SYT1: variants seen among roughly 807,000 people sequenced by gnomAD.
The protein encoded by SYT1 is synaptotagmin 1, also known as synaptotagmin-1.
SYT1 carries 8 observed loss-of-function variants against 44.8 expected under a neutral mutation model. That is an observed-to-expected ratio of 0.18 (90% CI 0.10 to 0.32). SYT1 has a LOEUF of 0.32. Ranked by LOEUF, SYT1 falls within the 10% of genes least tolerant of loss-of-function variation. The probability of loss-of-function intolerance (pLI) is 1.00; values close to 1 mark genes in which losing one functional copy is unlikely to be tolerated. For missense variants in SYT1, 286 were observed against 509.3 expected (o/e 0.56, Z 4.22); for synonymous variants, 154 against 188.8 (o/e 0.82, Z 1.51).
chr12:79,338,611 TG>T (rs1882198661), intron 8 of SYT1, among the ~76,000 whole-genome samples: 3 of 147,646 alleles, frequency 2.0e-5, no homozygotes, highest in Non-Finnish European at 4.5e-5. Flanking sequence ...AATCCCTCCC[TG>T]CCTCCCTCCC....
chr12:79,311,622 T>C (rs1240373057), intron 8 of SYT1, among the ~76,000 whole-genome samples: 3 of 139,694 alleles, frequency 2.1e-5, no homozygotes, highest in Non-Finnish European at 3.1e-5. Context: ...CCAACCCAAA[T>C]GTCCAACAAT....
intron 9 of SYT1, among the ~76,000 whole-genome samples, chr12:79,410,672 A>G (rs1868383783): frequency 6.6e-6 from 1 of 152,162 alleles, no homozygotes; most frequent in African/African-American, 2.4e-5. Context: ...CTATATTTTC[A>G]CTGGTTTTAA....
intron 1 of SYT1, among the ~76,000 whole-genome samples, chr12:78,877,783 C>A (rs1345649574): frequency 6.6e-6 from 1 of 151,664 alleles, no homozygotes; most frequent in African/African-American, 2.4e-5. Context: ...TGCATACCAC[C>A]ACGCCTGGCT....
intron 9 of SYT1, among the ~76,000 whole-genome samples, chr12:79,365,385 C>T (rs1883498068): frequency 6.6e-6 from 1 of 151,714 alleles, no homozygotes; most frequent in Non-Finnish European, 1.5e-5. Flanking sequence ...ATGAGAAAAA[C>T]TATATAAATT....
intron 3 of SYT1, among the ~76,000 whole-genome samples, chr12:79,160,673 A>G (rs1050883099): frequency 2.6e-5 from 4 of 152,154 alleles, no homozygotes; most frequent in Non-Finnish European, 2.9e-5. Context: ...CTGCCAAGAC[A>G]TCAAGTGAAA....
At chr12:79,024,210 C>A (rs551571164) in intron 2 of SYT1, among the ~76,000 whole-genome samples, 1 of 151,724 alleles carries the variant, frequency 6.6e-6, no homozygotes, top group South Asian at 2.1e-4. Flanking sequence ...TACTGAAGGA[C>A]AATTCAAAGA....
At chr12:79,037,804 T>C (rs1448889397) in intron 2 of SYT1, among the ~76,000 whole-genome samples, 2 of 151,834 alleles carry the variant, frequency 1.3e-5, no homozygotes, top group African/African-American at 4.8e-5. Context: ...TATTACTTGA[T>C]GAATTCTTTT....
intron 2 of SYT1, among the ~76,000 whole-genome samples, chr12:79,042,111 C>T (rs1341160987): frequency 6.6e-6 from 1 of 150,650 alleles, no homozygotes; most frequent in East Asian, 2.0e-4. Flanking sequence ...CTCTGCCCAG[C>T]TTTGGTATCA....
rs5799418 is a variant in SYT1, at chr12:79,195,508, G to GA, written c.-17-21978dup. Among the ~76,000 whole-genome samples the GA allele has an allele frequency of 1.6e-3, 211 of 129,394 alleles. No individual in the cohort carries two copies. The East Asian group carries it at 0.018, about 11-fold the overall frequency. The allele number at this position is 129,394 out of a possible 152,430, so 84.9% of individuals were successfully genotyped here. A position where few individuals can be genotyped will look rare whatever the true frequency, so the allele number is the denominator to read the frequency against. On this transcript the variant is annotated intron_variant, in intron 3 of 10. Transcript: ENST00000261205. ...TATTTGAAAAAAGAGAGGTAACCCT[G>GA]AAAAAAAAAAAAAAAAAGAGAATAC...
At chr12:79,429,218 T>A (rs2083111128) in intron 9 of SYT1, among the ~76,000 whole-genome samples, 1 of 152,188 alleles carries the variant, frequency 6.6e-6, no homozygotes, top group African/African-American at 2.4e-5. Context: ...TTTTTGTTTT[T>A]GTTTTTGAAA....
At chr12:78,920,970 TGATA>T (rs1458529328) in intron 1 of SYT1, among the ~76,000 whole-genome samples, 10 of 151,938 alleles carry the variant, frequency 6.6e-5, no homozygotes, top group African/African-American at 2.4e-4. Context: ...TCTACACGAT[TGATA>T]GATTATCTAT....
At position 79,020,136 on chromosome 12, in the gene SYT1, A is replaced by T. The variant is rs562573512; in HGVS notation, c.-83-27161A>T. Among the ~76,000 whole-genome samples, 24 of 152,120 alleles carry T rather than the reference A, an allele frequency of 1.6e-4. No homozygotes were observed. The East Asian group carries it at 4.5e-3, about 28-fold the overall frequency. ...ACAGCTTTTGTGACCTTGAATGCAA[A>T]TGAAGTACAATACTAAGGATGTTCT... is the stretch of plus-strand genomic sequence containing the variant. On this transcript the variant is annotated intron_variant, in intron 2 of 10. Coordinates refer to ENST00000261205, the MANE Select transcript of SYT1 (RefSeq NM_005639.3).
At chr12:79,376,769 T>C (rs146181461) in intron 9 of SYT1, among the ~76,000 whole-genome samples, 1 of 152,352 alleles carries the variant, frequency 6.6e-6, no homozygotes, top group African/African-American at 2.4e-5. Context: ...AGGCTAACTT[T>C]TAACTTAAAT....
At chr12:79,071,442 C>A (rs1464208719) in intron 3 of SYT1, among the ~76,000 whole-genome samples, 3 of 152,166 alleles carry the variant, frequency 2.0e-5, no homozygotes, top group African/African-American at 4.8e-5. Context: ...ATTATTAATA[C>A]TTCTGTGGAC....
intron 4 of SYT1, among the ~76,000 whole-genome samples, chr12:79,264,535 G>A (rs899141685): frequency 1.3e-5 from 2 of 152,150 alleles, no homozygotes; most frequent in African/African-American, 4.8e-5. Flanking sequence ...AAAGAAAGCA[G>A]CACCCAAAAG....
chr12:79,070,591 C>T (rs193227397), intron 3 of SYT1, among the ~76,000 whole-genome samples: 168 of 152,094 alleles, frequency 1.1e-3, no homozygotes, highest in Non-Finnish European at 2.1e-3. Context: ...GCGTTTTTCT[C>T]TTCTTTTTTT....
intron 2 of SYT1, among the ~76,000 whole-genome samples, chr12:79,012,079 C>A (rs1439123208): frequency 6.7e-6 from 1 of 149,866 alleles, no homozygotes; most frequent in Non-Finnish European, 1.5e-5. Context: ...CAGTAGTGAG[C>A]CGAGATCAGC....
intron 3 of SYT1, among the ~76,000 whole-genome samples, chr12:79,069,813 A>G (rs1355103974): frequency 1.3e-5 from 2 of 152,096 alleles, no homozygotes; most frequent in African/African-American, 4.8e-5. Flanking sequence ...TGTTTGGGTG[A>G]AAGAATAATT....
intron 9 of SYT1, among the ~76,000 whole-genome samples, chr12:79,418,223 T>C (rs1278834450): frequency 6.6e-6 from 1 of 152,148 alleles, no homozygotes; most frequent in African/African-American, 2.4e-5. Context: ...GGTCCAGATG[T>C]ATAGGAATTT....
Sources: gnomAD v4.1 joint callset for allele counts (sites outside exome capture counted in the v4.1 genomes callset) on GRCh38, gnomAD v4.1.1 for gene constraint, MANE v1.5 for transcripts, NCBI Gene and HGNC (gene_info 2026-07-23, HGNC 2026-07-21) for gene names.